CTNNA2: variants seen among roughly 807,000 people sequenced by gnomAD.
CTNNA2 encodes the protein catenin alpha 2.
CTNNA2 carries 42 observed loss-of-function variants against 101.0 expected under a neutral mutation model. That is an observed-to-expected ratio of 0.42 (90% CI 0.32 to 0.54). CTNNA2 has a LOEUF of 0.54. Among genes scored for constraint, CTNNA2 ranks in the 20% least tolerant of loss-of-function variants. The probability of loss-of-function intolerance (pLI) is 0.14; values close to 1 mark genes in which losing one functional copy is unlikely to be tolerated. For missense variants in CTNNA2, 871 were observed against 1,223.1 expected (o/e 0.71, Z 4.29); for synonymous variants, 450 against 456.4 (o/e 0.99, Z 0.18).
chr2:80,028,035 G>C (rs1350811542), intron 7 of CTNNA2: 1 of 141,984 alleles, frequency 7.0e-6, no homozygotes, highest in East Asian at 2.1e-4. Context: ...GATTTATTTA[G>C]TAACTTCATG....
chr2:80,640,143 T>C (rs1223799345), intron 18 of CTNNA2, among the ~76,000 whole-genome samples: 1 of 152,116 alleles, frequency 6.6e-6, no homozygotes, highest in East Asian at 1.9e-4. Flanking sequence ...AGACAATATT[T>C]GATAGCTAAC....
intron 2 of CTNNA2, among the ~76,000 whole-genome samples, chr2:79,305,219 C>A (rs913675624): frequency 6.6e-6 from 1 of 151,294 alleles, no homozygotes; most frequent in Non-Finnish European, 1.5e-5. Flanking sequence ...ATAGGACACA[C>A]AAATATATAT....
intron 7 of CTNNA2, among the ~76,000 whole-genome samples, chr2:80,323,368 C>T (rs1003449006): frequency 6.6e-6 from 1 of 150,594 alleles, no homozygotes; most frequent in African/African-American, 2.4e-5. Context: ...TCCTTTCTTT[C>T]TTCCCCTTCA....
At chr2:79,689,100 G>A (rs993450452) in intron 2 of CTNNA2, among the ~76,000 whole-genome samples, 8 of 151,556 alleles carry the variant, frequency 5.3e-5, no homozygotes, top group Non-Finnish European at 1.0e-4. Context: ...ACAAGATATG[G>A]CCTGTTCATC....
intron 2 of CTNNA2, among the ~76,000 whole-genome samples, chr2:79,208,682 G>T (rs754425925): frequency 5.3e-5 from 8 of 152,220 alleles, no homozygotes; most frequent in Non-Finnish European, 1.2e-4. Flanking sequence ...CAGGCTTTTT[G>T]TGTTAGCAGG....
chr2:79,405,018 T>C (rs916710061), intron 4 of CTNNA2, among the ~76,000 whole-genome samples: 17 of 152,102 alleles, frequency 1.1e-4, no homozygotes, highest in African/African-American at 4.1e-4. Context: ...TGAATTATAA[T>C]TTGCTTCTAA....
At chr2:80,411,940 A>G (rs758072688) in intron 8 of CTNNA2, among the ~76,000 whole-genome samples, 5 of 151,828 alleles carry the variant, frequency 3.3e-5, no homozygotes, top group Non-Finnish European at 7.4e-5. Flanking sequence ...TGCTCTTGCC[A>G]CCTCTCCTCA....
At chr2:80,158,536 C>G (rs1704117726) in intron 7 of CTNNA2, among the ~76,000 whole-genome samples, 1 of 152,204 alleles carries the variant, frequency 6.6e-6, no homozygotes, top group African/African-American at 2.4e-5. Context: ...GCAACACCCA[C>G]TTCTCTGCCA....
intron 2 of CTNNA2, among the ~76,000 whole-genome samples, chr2:79,306,602 A>T (rs894684627): frequency 2.0e-5 from 3 of 152,256 alleles, no homozygotes; most frequent in African/African-American, 7.2e-5. Context: ...TATTGCAGAC[A>T]ATGCTGAAAG....
At chr2:80,289,669 C>A (rs1293551084) in intron 7 of CTNNA2, among the ~76,000 whole-genome samples, 4 of 152,158 alleles carry the variant, frequency 2.6e-5, no homozygotes, top group Non-Finnish European at 5.9e-5. Context: ...TTCCTAAAAA[C>A]CAGCAAGGCA....
intron 3 of CTNNA2, among the ~76,000 whole-genome samples, chr2:79,334,287 C>T (rs1023641978): frequency 5.3e-5 from 8 of 152,018 alleles, no homozygotes; most frequent in African/African-American, 1.9e-4. Context: ...TCCTCAAGGT[C>T]ATAAAACTAT....
rs562135704 is a variant in CTNNA2 at position 80,195,384 on chromosome 2, A to C, written c.1057-197827A>C. Among the ~76,000 whole-genome samples, 23 of 152,310 alleles carry C rather than the reference A, an allele frequency of 1.5e-4. No individual in the cohort carries two copies. The East Asian group carries it at 4.1e-3, about 27-fold the overall frequency. The stretch of plus-strand genomic sequence containing the variant: ...ATCAAACTGCACAGAGAACATATTC[A>C]TGTGATATTTTGGTTTGTGAATCTT... On this transcript the variant is annotated intron_variant, in intron 7 of 18. Coordinates refer to ENST00000402739, the MANE Select transcript of CTNNA2 (RefSeq NM_001282597.3).
chr2:80,205,365 G>A (rs1707467556), intron 7 of CTNNA2, among the ~76,000 whole-genome samples: 1 of 152,134 alleles, frequency 6.6e-6, no homozygotes, highest in Admixed American at 6.6e-5. Context: ...AAAAATAACA[G>A]CAGATATTTA....
chr2:80,597,861 A>G (rs1697122211), intron 15 of CTNNA2, among the ~76,000 whole-genome samples: 1 of 152,204 alleles, frequency 6.6e-6, no homozygotes, highest in Non-Finnish European at 1.5e-5. Context: ...ATGTTTTTAC[A>G]CTGTTGGTGG....
At chr2:80,472,604 T>C (rs770828161) in intron 9 of CTNNA2, among the ~76,000 whole-genome samples, 1 of 152,186 alleles carries the variant, frequency 6.6e-6, no homozygotes, top group Non-Finnish European at 1.5e-5. Context: ...CAGATTTTCA[T>C]GTACATTCAC....
chr2:80,039,060 G>A (rs762811841), intron 7 of CTNNA2, among the ~76,000 whole-genome samples: 10 of 152,110 alleles, frequency 6.6e-5, no homozygotes, highest in Non-Finnish European at 2.9e-5. Flanking sequence ...GGGAAAAGGA[G>A]TACAAGATGC....
At chr2:79,986,430 C>G (rs1194401486) in intron 7 of CTNNA2, among the ~76,000 whole-genome samples, 11 of 152,178 alleles carry the variant, frequency 7.2e-5, no homozygotes, top group Admixed American at 7.2e-4. Context: ...CTCTGGAGAA[C>G]TGTTGGTGGG....
intron 12 of CTNNA2, among the ~76,000 whole-genome samples, chr2:80,562,864 AAC>A (rs1693726559): frequency 6.6e-6 from 1 of 152,168 alleles, no homozygotes; most frequent in African/African-American, 2.4e-5. Flanking sequence ...TAAATTATAT[AAC>A]ACAGGAAGAG....
intron 7 of CTNNA2, among the ~76,000 whole-genome samples, chr2:79,941,542 C>T (rs1050616191): frequency 1.3e-5 from 2 of 152,180 alleles, no homozygotes; most frequent in African/African-American, 2.4e-5. Flanking sequence ...AGTTAGATTT[C>T]TATAGGTGGG....
Sources: gnomAD v4.1 joint callset for allele counts (sites outside exome capture counted in the v4.1 genomes callset) on GRCh38, gnomAD v4.1.1 for gene constraint, MANE v1.5 for transcripts, NCBI Gene and HGNC (gene_info 2026-07-23, HGNC 2026-07-21) for gene names.